Variants in CFAP263 observed in about 807,000 individuals in gnomAD.
The protein encoded by CFAP263 is cilia- and flagella-associated protein 263.
At chr16:58,253,927 C>A in the CFAP263 span, 3 of 1,545,960 alleles carry the variant, frequency 1.9e-6, no homozygotes, top group Non-Finnish European at 2.7e-6. Context: ...GAGGATCATT[C>A]TGATGCCTAT....
chr16:58,253,972 A>C, the CFAP263 span: 25 of 1,613,642 alleles, frequency 1.5e-5, no homozygotes, highest in Non-Finnish European at 2.1e-5. Context: ...CTCTTTGACA[A>C]TGGCTTTGTT....
the CFAP263 span, chr16:58,254,024 C>T: frequency 1.1e-5 from 17 of 1,614,192 alleles, no homozygotes; most frequent in South Asian, 1.9e-4. Flanking sequence ...GATCCAAATC[C>T]CGGACAGGTA....
At chr16:58,249,993 C>A in the CFAP263 span, 1 of 1,519,718 alleles carries the variant, frequency 6.6e-7, no homozygotes, top group Non-Finnish European at 9.0e-7. Context: ...ACGGCATTGG[C>A]AGGGGCCGCT....
At chr16:58,266,406 T>TATATATATATA in the CFAP263 span, among the ~76,000 whole-genome samples, 1 of 23,364 alleles carries the variant, frequency 4.3e-5, no homozygotes, top group African/African-American at 1.5e-4. Flanking sequence ...TATATATATA[T>TATATATATATA]TTTTTTTTTT....
chr16:58,266,405 A>ATTTTT, the CFAP263 span, among the ~76,000 whole-genome samples: 1 of 31,442 alleles, frequency 3.2e-5, no homozygotes, highest in African/African-American at 1.2e-4. Context: ...ATATATATAT[A>ATTTTT]TTTTTTTTTT....
chr16:58,261,852 A>G, the CFAP263 span, among the ~76,000 whole-genome samples: 1 of 152,112 alleles, frequency 6.6e-6, no homozygotes, highest in East Asian at 1.9e-4. Flanking sequence ...TCAGGGAGGG[A>G]ACCTTATACA....
At chr16:58,253,673 C>T in the CFAP263 span, among the ~76,000 whole-genome samples, 4 of 152,322 alleles carry the variant, frequency 2.6e-5, no homozygotes, top group East Asian at 7.7e-4. Context: ...CAGGAAGTAC[C>T]TCTGAGCTTT....
chr16:58,276,553 T>G, the CFAP263 span, among the ~76,000 whole-genome samples: 1 of 152,180 alleles, frequency 6.6e-6, no homozygotes. Context: ...CCCCTCTAAT[T>G]CCCACAAAAA....
At chr16:58,262,308 A>C in the CFAP263 span, 109 of 1,356,722 alleles carry the variant, frequency 8.0e-5, 1 homozygote, top group East Asian at 2.5e-3. Flanking sequence ...AGTCTTGTCA[A>C]GAGTTGCAAG....
chr16:58,280,844 GA>G, the CFAP263 span: 2 of 1,313,512 alleles, frequency 1.5e-6, no homozygotes, highest in East Asian at 4.7e-5. Flanking sequence ...GTTTGTTCTA[GA>G]AATGTTTTAC....
At chr16:58,270,151 C>A in the CFAP263 span, among the ~76,000 whole-genome samples, 1 of 152,048 alleles carries the variant, frequency 6.6e-6, no homozygotes, top group African/African-American at 2.4e-5. Context: ...CTAGTCAAGT[C>A]CTTTGCTTAG....
chr16:58,270,269 C>T, the CFAP263 span, among the ~76,000 whole-genome samples: 1 of 152,122 alleles, frequency 6.6e-6, no homozygotes, highest in Admixed American at 6.5e-5. Context: ...ATAGCTTAGC[C>T]TAGCCTATCT....
At chr16:58,269,964 G>A in the CFAP263 span, among the ~76,000 whole-genome samples, 4 of 152,170 alleles carry the variant, frequency 2.6e-5, no homozygotes, top group Non-Finnish European at 4.4e-5. Context: ...TTCCCACAAT[G>A]TATGAGAGGG....
the CFAP263 span, chr16:58,279,956 C>T: frequency 7.7e-4 from 479 of 626,038 alleles, 6 homozygotes; most frequent in South Asian, 1.0e-2. Flanking sequence ...CAGCCTGGCC[C>T]CTGGAACTGT....
At chr16:58,275,785 A>G in the CFAP263 span, among the ~76,000 whole-genome samples, 3 of 152,224 alleles carry the variant, frequency 2.0e-5, no homozygotes, top group Non-Finnish European at 4.4e-5. Flanking sequence ...CTGGGCAAAC[A>G]TTAAGGAAAA....
chr16:58,251,670 G>A, the CFAP263 span, among the ~76,000 whole-genome samples: 1 of 152,176 alleles, frequency 6.6e-6, no homozygotes, highest in Non-Finnish European at 1.5e-5. Context: ...GGGATTACAG[G>A]TGTGAGCCAC....
At chr16:58,251,945 A>C in the CFAP263 span, among the ~76,000 whole-genome samples, 2 of 152,232 alleles carry the variant, frequency 1.3e-5, no homozygotes, top group African/African-American at 4.8e-5. Flanking sequence ...CCTCTGTTCA[A>C]AGTTTTCCAG....
At chr16:58,250,150 C>T in the CFAP263 span, 15 of 1,290,068 alleles carry the variant, frequency 1.2e-5, no homozygotes, top group Admixed American at 4.3e-5. Flanking sequence ...CGCCCCTCTT[C>T]CTCCTAGGCC....
At chr16:58,272,733 G>A in the CFAP263 span, among the ~76,000 whole-genome samples, 1 of 148,626 alleles carries the variant, frequency 6.7e-6, no homozygotes, top group Admixed American at 6.7e-5. Flanking sequence ...TCTTTCAGTT[G>A]AATTTGGTGT....
Sources: gnomAD v4.1 joint callset for allele counts (sites outside exome capture counted in the v4.1 genomes callset) on GRCh38, gnomAD v4.1.1 for gene constraint, MANE v1.5 for transcripts, NCBI Gene and HGNC (gene_info 2026-07-23, HGNC 2026-07-21) for gene names.